The following DIAPH3 variants were observed in gnomAD, a reference collection of about 807,000 sequenced individuals.
DIAPH3 encodes the protein diaphanous related formin 3.
DIAPH3 carries 117 observed loss-of-function variants against 144.3 expected under a neutral mutation model. The observed-to-expected ratio is 0.81, with a 90% CI of 0.70 to 0.95. The LOEUF is 0.95. DIAPH3 is among the 40% of genes least tolerant of loss of function. The pLI is 0.00. For synonymous variants in DIAPH3, 519 were observed against 488.9 expected (o/e 1.06, Z -0.81); for missense variants, 1,421 against 1,412.7 (o/e 1.01, Z -0.09).
intron 17 of DIAPH3, among the ~76,000 whole-genome samples, chr13:59,936,514 T>A (rs2048267575): frequency 6.6e-6 from 1 of 152,198 alleles, no homozygotes; most frequent in Non-Finnish European, 1.5e-5. Flanking sequence ...TCACAAGCTG[T>A]GGATTAGGGA....
intron 1 of DIAPH3, among the ~76,000 whole-genome samples, chr13:60,137,632 A>C (rs2059319192): frequency 6.6e-6 from 1 of 152,128 alleles, no homozygotes; most frequent in African/African-American, 2.4e-5. Flanking sequence ...GACAGCCACC[A>C]TCAGATTCAA....
intron 7 of DIAPH3, among the ~76,000 whole-genome samples, chr13:60,015,359 T>G (rs1252192227): frequency 6.6e-6 from 1 of 152,188 alleles, no homozygotes; most frequent in Non-Finnish European, 1.5e-5. Flanking sequence ...TTCTCAATAT[T>G]ACTTGGGTTA....
At chr13:60,096,460 G>T in intron 3 of DIAPH3, among the ~76,000 whole-genome samples, 1 of 152,128 alleles carries the variant, frequency 6.6e-6, no homozygotes, top group Non-Finnish European at 1.5e-5. Context: ...TTATTTTTGG[G>T]GGTTGGTTAA....
At chr13:59,922,034 G>T (rs1421966108) in intron 18 of DIAPH3, among the ~76,000 whole-genome samples, 5 of 151,930 alleles carry the variant, frequency 3.3e-5, no homozygotes, top group Admixed American at 3.3e-4. Context: ...AACAAATTAG[G>T]TATAGAAGAA....
At chr13:59,731,471 C>T (rs942754771) in intron 27 of DIAPH3, among the ~76,000 whole-genome samples, 2 of 152,166 alleles carry the variant, frequency 1.3e-5, no homozygotes, top group East Asian at 1.9e-4. Context: ...ATATTTGGGA[C>T]CCAGAGTCAA....
In DIAPH3 at chr13:59,971,228, C is replaced by T. The variant is rs1045385731; in HGVS notation, c.1651-68G>A. 6 of 1,449,338 alleles carry T rather than the reference C, an allele frequency of 4.1e-6. No individual in the cohort carries two copies. In the South Asian group the frequency reaches 5.3e-5, roughly 13 times the overall value. 89.8% of individuals were successfully genotyped at this position (1,449,338 alleles called of 1,614,324 possible). ...ACAAAACATGTAAATATGCACTTTA[C>T]TCAAAAATAAGGCATTCATTTAAAC... On this transcript the variant is annotated intron_variant, in intron 15 of 27. Transcript: ENST00000400324.
intron 27 of DIAPH3, among the ~76,000 whole-genome samples, chr13:59,771,025 G>A (rs2038089978): frequency 6.6e-6 from 1 of 152,130 alleles, no homozygotes; most frequent in African/African-American, 2.4e-5. Context: ...TTCAGTGCAT[G>A]AGATGTCTGC....
Position 60,008,594 on chromosome 13 carries a change from T to C in DIAPH3, c.964A>G (p.Arg322Gly). The change falls in exon 9 of 28, where the codon AGA becomes GGA. Residue 322 changes from arginine (R) to glycine (G), a missense_variant. Transcript: ENST00000400324. Reference protein sequence around the residue: ...TSAGEEKKIDRFFCIVEGLRH... With the variant: ...TSAGEEKKIDGFFCIVEGLRH... ...AGGCCTTCCACAATACAAAAAAATC[T>C]GTCAATTTTTTTTTCTTCACCAGCT... 2 of 1,613,756 alleles carry C rather than the reference T, an allele frequency of 1.2e-6. No homozygotes were observed. The highest frequency in any genetic ancestry group is 1.7e-6 in the Non-Finnish European group (2 of 1,179,856).
intron 24 of DIAPH3, among the ~76,000 whole-genome samples, chr13:59,822,872 T>TAGAAATAATCTAGAAAAG: frequency 6.6e-6 from 1 of 152,178 alleles, no homozygotes; most frequent in Non-Finnish European, 1.5e-5. Context: ...AAAAGGCCAC[T>TAGAAATAATCTAGAAAAG]GCATTTGATG....
In DIAPH3 at chr13:59,816,873, C is replaced by A. The variant is rs181121177; in HGVS notation, c.3028-5950G>T. On this transcript the variant is annotated intron_variant, in intron 24 of 27. Transcript: ENST00000400324. Reference sequence around the variant, plus strand: ...AACATTTGACTTATTCTCTTAAGCACATATGGTATAAATTTATACCATTTT... The same window carrying A: ...AACATTTGACTTATTCTCTTAAGCAAATATGGTATAAATTTATACCATTTT... Among the ~76,000 whole-genome samples the A allele has an allele frequency of 2.5e-4, 38 of 151,962 alleles. No individual in the cohort carries two copies. In the East Asian group the frequency reaches 7.3e-3, roughly 29 times the overall value.
Position 59,971,026 on chromosome 13 carries a change from T to C in DIAPH3, c.1785A>G (p.Pro595=), listed in dbSNP as rs1387051832. The change falls in exon 16 of 28, where the codon CCA becomes CCG. Residue 595 remains proline (P), a synonymous_variant. Transcript: ENST00000400324. ...TCCGCATTCCTGGAAGTGGAGGAGG[T>C]GGTGGGGGAGGAGGTGGAGGCGGCA... is the stretch of plus-strand genomic sequence containing the variant. ...GGVPPPPPPP[P]PPPLPGMRMP... 13 of 1,610,122 alleles carry C rather than the reference T, an allele frequency of 8.1e-6. No homozygotes were observed. The highest frequency in any genetic ancestry group is 1.1e-5 in the Non-Finnish European group (13 of 1,178,408).
At chr13:59,984,036 T>G in intron 12 of DIAPH3, 149 bp from the exon 13 acceptor site, 1 of 624,638 alleles carries the variant, frequency 1.6e-6, no homozygotes, top group Non-Finnish European at 2.9e-6. Context: ...TACCTGGGAG[T>G]GAGAGTAAAT....
At chr13:60,040,086 T>C (rs2055529684) in intron 5 of DIAPH3, among the ~76,000 whole-genome samples, 1 of 151,236 alleles carries the variant, frequency 6.6e-6, no homozygotes, top group Non-Finnish European at 1.5e-5. Context: ...AATACAAAAA[T>C]TAGCCAGGTG....
intron 25 of DIAPH3, among the ~76,000 whole-genome samples, chr13:59,797,750 A>T (rs578009576): frequency 2.0e-5 from 3 of 152,082 alleles, no homozygotes; most frequent in African/African-American, 7.2e-5. Context: ...CCATTGCCCT[A>T]CCTGAACCCC....
intron 27 of DIAPH3, among the ~76,000 whole-genome samples, chr13:59,765,289 C>T (rs1333665651): frequency 6.6e-6 from 1 of 152,100 alleles, no homozygotes; most frequent in East Asian, 1.9e-4. Flanking sequence ...GAAGGATTTG[C>T]AATAACTTTC....
chr13:59,937,975 A>T (rs1487019850), intron 17 of DIAPH3, among the ~76,000 whole-genome samples: 2 of 152,146 alleles, frequency 1.3e-5, no homozygotes, highest in Non-Finnish European at 2.9e-5. Flanking sequence ...ATACGTAGTT[A>T]TCCTGTCTCT....
chr13:59,802,664 A>AT (rs71197279), intron 25 of DIAPH3, among the ~76,000 whole-genome samples: 728 of 32,340 alleles, frequency 0.023, 48 homozygotes, highest in East Asian at 0.094. Flanking sequence ...TATTATTATT[A>AT]TTATTTTTTT....
At chr13:59,695,060 T>G (rs2033726756) in intron 27 of DIAPH3, among the ~76,000 whole-genome samples, 1 of 152,230 alleles carries the variant, frequency 6.6e-6, no homozygotes, top group South Asian at 2.1e-4. Flanking sequence ...ACTAATCATC[T>G]TTCTAACTTT....
At chr13:60,076,463 C>T (rs1364465765) in intron 4 of DIAPH3, among the ~76,000 whole-genome samples, 1 of 152,110 alleles carries the variant, frequency 6.6e-6, no homozygotes, top group Non-Finnish European at 1.5e-5. Flanking sequence ...GTTTCAGCAC[C>T]TGATATCCTC....
Sources: gnomAD v4.1 joint callset for allele counts (sites outside exome capture counted in the v4.1 genomes callset) on GRCh38, gnomAD v4.1.1 for gene constraint, MANE v1.5 for transcripts, NCBI Gene and HGNC (gene_info 2026-07-23, HGNC 2026-07-21) for gene names.